Variants in SLC26A5 observed in about 807,000 individuals in gnomAD.
The protein encoded by SLC26A5 is solute carrier family 26 member 5.
In SLC26A5, 51 loss-of-function variants were observed where a neutral mutation model predicts 81.0. The observed-to-expected ratio is 0.63, with a 90% CI of 0.50 to 0.80. The LOEUF (loss-of-function observed/expected upper bound fraction) is 0.80, where lower values mean the gene tolerates loss of function less well. Ranked by LOEUF, SLC26A5 falls within the 30% of genes least tolerant of loss-of-function variation. SLC26A5 has a pLI of 0.00. For synonymous variants in SLC26A5, 325 were observed against 332.8 expected (o/e 0.98, Z 0.25); for missense variants, 771 against 905.8 (o/e 0.85, Z 1.91).
intron 8 of SLC26A5, among the ~76,000 whole-genome samples, chr7:103,405,369 T>G (rs1432548126): frequency 6.6e-6 from 1 of 152,228 alleles, no homozygotes; most frequent in African/African-American, 2.4e-5. Flanking sequence ...GGGGTTTTTA[T>G]GTTGACGTCC....
chr7:103,365,097 C>CCTAA (rs1228465596), intron 19 of SLC26A5, among the ~76,000 whole-genome samples: 2 of 151,010 alleles, frequency 1.3e-5, no homozygotes, highest in African/African-American at 4.9e-5. Flanking sequence ...CCTTTTATTC[C>CCTAA]CTAACTAAAA....
At chr7:103,402,197 T>C (rs1347010540) in intron 8 of SLC26A5, among the ~76,000 whole-genome samples, 1 of 152,140 alleles carries the variant, frequency 6.6e-6, no homozygotes, top group East Asian at 1.9e-4. Flanking sequence ...TCCTGGACTT[T>C]TTTTTGGTGG....
In SLC26A5 at chr7:103,376,860, A is replaced by C. The variant is rs772848921; in HGVS notation, c.1989T>G (p.Ile663Met). ...DSVGVKTLAG[I>M]VKEYGDVGIY... ...TACCGACGTCTCCATATTCTTTTAC[A>C]ATCTGTAATAATGTTGAAATAAAAT... The change falls in exon 19 of 20, where the codon ATT (isoleucine) becomes ATG (methionine). Residue 663 changes from isoleucine (I) to methionine (M), a missense_variant and splice_region_variant. Physicochemically the swap from Ile to Met is conservative, Grantham distance 10. Coordinates refer to ENST00000306312, the MANE Select transcript of SLC26A5 (RefSeq NM_198999.3). 6 of 1,591,076 alleles carry C rather than the reference A, an allele frequency of 3.8e-6. No individual in the cohort carries two copies. In the South Asian group the frequency reaches 5.5e-5, roughly 15 times the overall value.
At chr7:103,371,536 A>G (rs1417077735), downstream of SLC26A5, among the ~76,000 whole-genome samples, 6 of 151,880 alleles carry the variant, frequency 4.0e-5, no homozygotes, top group East Asian at 1.9e-4. Flanking sequence ...CATGTTAGCC[A>G]GGATGATCTC....
chr7:103,409,100 A>C (rs1824282690), intron 7 of SLC26A5, among the ~76,000 whole-genome samples: 1 of 152,214 alleles, frequency 6.6e-6, no homozygotes, highest in Non-Finnish European at 1.5e-5. Context: ...CCCTAATCTA[A>C]AGGTCTCCCT....
intron 2 of SLC26A5, among the ~76,000 whole-genome samples, chr7:103,426,085 G>A (rs1328998326): frequency 2.0e-5 from 3 of 152,192 alleles, no homozygotes; most frequent in Non-Finnish European, 4.4e-5. Context: ...ACTTATGTGT[G>A]TCTGCAAAAT....
rs911777604 is a variant in SLC26A5, at chr7:103,421,563, T to C, written c.-49A>G. 2 of 1,595,414 alleles carry C rather than the reference T, an allele frequency of 1.3e-6. No individual in the cohort carries two copies. The highest frequency in any genetic ancestry group is 1.7e-6 in the Non-Finnish European group (2 of 1,164,664). On this transcript the variant is annotated 5_prime_UTR_variant, in exon 3 of 20. Coordinates refer to ENST00000306312, the MANE Select transcript of SLC26A5 (RefSeq NM_198999.3). ...CAGCCGGAGACAAGCATTTCCTGAG[T>C]GTCACTAGGGGAAAAAAGAAAAACT...
chr7:103,361,549 A>T (rs996303536), intron 19 of SLC26A5, among the ~76,000 whole-genome samples: 1 of 151,598 alleles, frequency 6.6e-6, no homozygotes. Flanking sequence ...ACGGATTTAA[A>T]GTATAAACTC....
chr7:103,405,701 AT>A (rs1823992875), intron 8 of SLC26A5, among the ~76,000 whole-genome samples: 1 of 152,178 alleles, frequency 6.6e-6, no homozygotes, highest in South Asian at 2.1e-4. Context: ...CAGAGCTCGA[AT>A]GCTGTGCTAG....
chr7:103,379,404 C>A, intron 15 of SLC26A5, 69 bp from the exon 16 acceptor site: 1 of 1,014,920 alleles, frequency 9.9e-7, no homozygotes. Context: ...ATAGCTTCCC[C>A]ACCCCAAATA....
rs967912116 is a variant in SLC26A5 at position 103,362,577 on chromosome 7, G to C, written c.2042-9651C>G. 4.2e-6 allele frequency: 6 copies of C among 1,435,282 alleles called. No homozygotes were observed. In the African/African-American group the frequency reaches 7.2e-5, roughly 17 times the overall value. 88.9% of individuals were successfully genotyped at this position (1,435,282 alleles called of 1,614,324 possible). The stretch of plus-strand genomic sequence containing the variant: ...TTCTCTTTATATAATTAGGGACTCT[G>C]TCTCTCTCTTGTTTTCTTAAAGTAT... On this transcript the variant is annotated intron_variant, in intron 19 of 19. Coordinates refer to the SLC26A5 transcript ENST00000339444.
At chr7:103,362,356 G>A in intron 19 of SLC26A5, 19 of 1,351,594 alleles carry the variant, frequency 1.4e-5, no homozygotes, top group Admixed American at 3.5e-5. Flanking sequence ...AGGTAACATG[G>A]TATAGGTTGG....
chr7:103,374,858 T>C (rs1172030565), intron 19 of SLC26A5, among the ~76,000 whole-genome samples: 1 of 151,228 alleles, frequency 6.6e-6, no homozygotes, highest in Non-Finnish European at 1.5e-5. Context: ...AATTCATGTC[T>C]CCACCCTTCA....
chr7:103,356,060 G>A (rs763732559), intron 19 of SLC26A5, among the ~76,000 whole-genome samples: 5 of 152,064 alleles, frequency 3.3e-5, no homozygotes, highest in Admixed American at 6.5e-5. Context: ...TTGCTTTCCC[G>A]TTGCCCTTTC....
intron 19 of SLC26A5, chr7:103,361,806 T>A: frequency 1.5e-6 from 1 of 652,222 alleles, no homozygotes; most frequent in Non-Finnish European, 2.3e-6. Flanking sequence ...ACCTTTGGAG[T>A]TGGGTATAGA....
chr7:103,402,410 T>TC (rs1823672527), intron 8 of SLC26A5, among the ~76,000 whole-genome samples: 1 of 150,834 alleles, frequency 6.6e-6, no homozygotes, highest in Non-Finnish European at 1.5e-5. Context: ...TTTTTTTTTT[T>TC]TGAGACAGAG....
chr7:103,395,513 A>G (rs1360604631), intron 9 of SLC26A5, among the ~76,000 whole-genome samples: 1 of 73,208 alleles, frequency 1.4e-5, no homozygotes, highest in Non-Finnish European at 2.8e-5. Context: ...ATATATATAT[A>G]TATATATAAA....
chr7:103,366,525 T>C (rs1165110480), intron 19 of SLC26A5, among the ~76,000 whole-genome samples: 1 of 152,206 alleles, frequency 6.6e-6, no homozygotes, highest in Admixed American at 6.5e-5. Flanking sequence ...AGTGCTCCAA[T>C]GAGTATTGCT....
intron 19 of SLC26A5, among the ~76,000 whole-genome samples, chr7:103,357,535 C>G (rs976818507): frequency 6.6e-6 from 1 of 151,996 alleles, no homozygotes; most frequent in African/African-American, 2.4e-5. Flanking sequence ...TTTTGGCTTT[C>G]CATCATGGAA....
Sources: gnomAD v4.1 joint callset for allele counts (sites outside exome capture counted in the v4.1 genomes callset) on GRCh38, gnomAD v4.1.1 for gene constraint, MANE v1.5 for transcripts, NCBI Gene and HGNC (gene_info 2026-07-23, HGNC 2026-07-21) for gene names.